Variants in AGPAT5 observed in about 807,000 individuals in gnomAD.
The protein encoded by AGPAT5 is 1-acyl-sn-glycerol-3-phosphate acyltransferase epsilon.
A neutral mutation model predicts 45.6 loss-of-function variants in AGPAT5; 46 were observed. The ratio of observed to expected loss-of-function variants is 1.01; its 90% CI spans 0.80 to 1.29. The LOEUF is 1.29. Ranked by LOEUF, AGPAT5 falls within the 50% of genes most tolerant of loss-of-function variation. The pLI, the probability that AGPAT5 is intolerant of heterozygous loss-of-function variation, is 0.00. For synonymous variants in AGPAT5, 272 were observed against 167.0 expected, an observed-to-expected ratio of 1.63 and a Z score of -4.85; for missense variants, 673 against 450.7, an observed-to-expected ratio of 1.49 and a Z score of -4.47.
rs902103885 is a variant in AGPAT5 at position 6,759,207 on chromosome 8, A to G, written c.*1819A>G. The G allele has an allele frequency of 2.0e-5, 3 of 152,224 alleles. No individual in the cohort carries two copies. Among genetic ancestry groups the G allele is most frequent in the African/African-American group, 7.2e-5 (3 of 41,458 alleles). The allele number at this position is 152,224 out of a possible 1,614,324, so 9.4% of individuals were successfully genotyped here. A position where few individuals can be genotyped will look rare whatever the true frequency, so the allele number is the denominator to read the frequency against. On this transcript the variant is annotated 3_prime_UTR_variant, in exon 8 of 8. Transcript: ENST00000285518. ...TGTCTTTGTTAAGTACAGGGATTTA[A>G]TATATTTTGAATATAATGGGTATGT... is the stretch of plus-strand genomic sequence containing the variant.
intron 7 of AGPAT5, among the ~76,000 whole-genome samples, chr8:6,756,609 CAAA>C (rs11300826): frequency 7.9e-4 from 97 of 122,892 alleles, no homozygotes; most frequent in African/African-American, 1.2e-3. Context: ...TGCCTTTTTT[CAAA>C]AAAAAAAAAA....
intron 4 of AGPAT5, among the ~76,000 whole-genome samples, chr8:6,734,939 C>T (rs1800995989): frequency 6.6e-6 from 1 of 152,158 alleles, no homozygotes; most frequent in African/African-American, 2.4e-5. Context: ...AGCGTTTTCA[C>T]ATAGCACCTT....
At chr8:6,752,806 G>A (rs1372607926) in intron 6 of AGPAT5, among the ~76,000 whole-genome samples, 1 of 152,152 alleles carries the variant, frequency 6.6e-6, no homozygotes, top group African/African-American at 2.4e-5. Flanking sequence ...GGATATATAA[G>A]TACTTTATTA....
Position 6,741,566 on chromosome 8 carries a change from ACT to A in AGPAT5, c.496-92_496-91del, listed in dbSNP as rs1240466707. ...TACATTTTCTCCTACTGTAGGAAATACTCTGTTAGCATTAGTAGGTTTAGCTT... is the reference window on the plus strand; with the variant it reads ...TACATTTTCTCCTACTGTAGGAAATACTGTTAGCATTAGTAGGTTTAGCTT... On this transcript the variant is annotated intron_variant, in intron 4 of 7. Coordinates refer to ENST00000285518, the MANE Select transcript of AGPAT5 (RefSeq NM_018361.5). 1.4e-5 allele frequency: 11 copies of A among 782,384 alleles called. No individual in the cohort carries two copies. In the African/African-American group the frequency reaches 1.4e-4, roughly 10 times the overall value. 48.5% of individuals were successfully genotyped at this position (782,384 alleles called of 1,614,324 possible).
intron 1 of AGPAT5, among the ~76,000 whole-genome samples, chr8:6,719,518 C>G (rs751821230): frequency 5.3e-5 from 8 of 152,162 alleles, no homozygotes; most frequent in Non-Finnish European, 1.0e-4. Context: ...TGATTATGAC[C>G]ATCTTCTGTT....
At chr8:6,750,483 A>G (rs77845615) in intron 6 of AGPAT5, among the ~76,000 whole-genome samples, 275 of 152,360 alleles carry the variant, frequency 1.8e-3, no homozygotes, top group African/African-American at 6.3e-3. Flanking sequence ...AGGATAAAGT[A>G]TTTCTGAATT....
chr8:6,742,708 G>A (rs1372467533), intron 5 of AGPAT5, among the ~76,000 whole-genome samples: 3 of 152,074 alleles, frequency 2.0e-5, no homozygotes, highest in Non-Finnish European at 4.4e-5. Flanking sequence ...AAAATAAGGG[G>A]GAGTTTTTAC....
chr8:6,709,672 GT>G (rs1422694798), intron 1 of AGPAT5: 34 of 151,662 alleles, frequency 2.2e-4, no homozygotes, highest in African/African-American at 7.7e-4. Context: ...TCTTGGTAGG[GT>G]TAGGGTGGCA....
chr8:6,755,396 T>C (rs1461702887), intron 7 of AGPAT5, among the ~76,000 whole-genome samples: 2 of 152,222 alleles, frequency 1.3e-5, no homozygotes, highest in Admixed American at 1.3e-4. Flanking sequence ...TTGATAGTAT[T>C]TCTTGGACAA....
chr8:6,729,897 A>G (rs946643365), intron 2 of AGPAT5, among the ~76,000 whole-genome samples: 7 of 152,230 alleles, frequency 4.6e-5, no homozygotes, highest in Non-Finnish European at 4.4e-5. Flanking sequence ...AGGAGCACAT[A>G]TATCTACCCA....
intron 1 of AGPAT5, among the ~76,000 whole-genome samples, chr8:6,711,826 G>C (rs112323718): frequency 3.3e-5 from 5 of 152,132 alleles, no homozygotes; most frequent in Non-Finnish European, 5.9e-5. Flanking sequence ...TACAGTCCTT[G>C]CTGCCACCTC....
At chr8:6,717,641 C>G (rs914108072) in intron 1 of AGPAT5, among the ~76,000 whole-genome samples, 5 of 152,172 alleles carry the variant, frequency 3.3e-5, no homozygotes, top group Admixed American at 1.3e-4. Context: ...GAATACTTAA[C>G]TGGGTGGGAG....
At chr8:6,722,039 GAAA>G (rs1288125917) in intron 1 of AGPAT5, among the ~76,000 whole-genome samples, 3 of 152,014 alleles carry the variant, frequency 2.0e-5, no homozygotes, top group African/African-American at 7.3e-5. Context: ...GATAAATTGT[GAAA>G]AAGTGACTAG....
Position 6,730,697 on chromosome 8 carries a change from T to G in AGPAT5, c.290-14T>G. Reference sequence around the variant, plus strand: ...GAGCCTCATGTACGCGCTAACTGGGTCCTGTCTCTGCAGTTGACTGGATTG... The same window carrying G: ...GAGCCTCATGTACGCGCTAACTGGGGCCTGTCTCTGCAGTTGACTGGATTG... On this transcript the variant is annotated splice_polypyrimidine_tract_variant and intron_variant, in intron 2 of 7. Coordinates refer to ENST00000285518, the MANE Select transcript of AGPAT5 (RefSeq NM_018361.5). The G allele has an allele frequency of 6.3e-7, 1 of 1,595,542 alleles. No individual in the cohort carries two copies. The highest frequency in any genetic ancestry group is 8.6e-7 in the Non-Finnish European group (1 of 1,164,310).
At chr8:6,714,203 T>C (rs1445398945) in intron 1 of AGPAT5, among the ~76,000 whole-genome samples, 4 of 152,242 alleles carry the variant, frequency 2.6e-5, no homozygotes, top group African/African-American at 9.6e-5. Context: ...TCTCTGCTTA[T>C]TTGCCATTCA....
chr8:6,714,488 G>A (rs34934346), intron 1 of AGPAT5, among the ~76,000 whole-genome samples: 3 of 152,138 alleles, frequency 2.0e-5, no homozygotes, highest in African/African-American at 7.2e-5. Flanking sequence ...ATAAACCTCT[G>A]TGAACAAACC....
Position 6,726,742 on chromosome 8 carries a change from G to C in AGPAT5, c.289+1803G>C, listed in dbSNP as rs149737411. On this transcript the variant is annotated intron_variant, in intron 2 of 7. Coordinates refer to ENST00000285518, the MANE Select transcript of AGPAT5 (RefSeq NM_018361.5). ...GACCTGAATTTCATTTATCAGTTTA[G>C]AGAACCACTTCCCCTTCCCTTCACC... Among the ~76,000 whole-genome samples the C allele has an allele frequency of 9.2e-3, 1,397 of 152,242 alleles. 27 individuals carry two copies. Among genetic ancestry groups the C allele is most frequent in the Non-Finnish European group, 0.011 (753 of 68,010 alleles).
chr8:6,751,514 G>C (rs1378031957), intron 6 of AGPAT5, among the ~76,000 whole-genome samples: 2 of 152,182 alleles, frequency 1.3e-5, no homozygotes, highest in Non-Finnish European at 2.9e-5. Flanking sequence ...AATTCTTGTA[G>C]TCACCTTCAT....
intron 4 of AGPAT5, chr8:6,738,364 A>C (rs971630848): frequency 2.6e-5 from 4 of 152,244 alleles, no homozygotes; most frequent in African/African-American, 9.6e-5. Context: ...AGACAGGAGA[A>C]CAGGCCATCA....
Sources: gnomAD v4.1 joint callset for allele counts (sites outside exome capture counted in the v4.1 genomes callset) on GRCh38, gnomAD v4.1.1 for gene constraint, MANE v1.5 for transcripts, NCBI Gene and HGNC (gene_info 2026-07-23, HGNC 2026-07-21) for gene names.